The following LRRCC1 variants were observed in gnomAD, a reference collection of about 807,000 sequenced individuals.
LRRCC1 encodes leucine-rich repeat and coiled-coil domain-containing protein 1.
Under a neutral mutation model 126.0 loss-of-function variants are expected in LRRCC1, and 115 were observed. That is an observed-to-expected ratio of 0.91 (90% CI 0.78 to 1.07). The LOEUF (loss-of-function observed/expected upper bound fraction) is 1.07. LRRCC1 is among the 50% of genes least tolerant of loss of function. The probability of loss-of-function intolerance (pLI) is 0.00; values close to 1 mark genes in which losing one functional copy is unlikely to be tolerated. For synonymous variants in LRRCC1, 400 were observed against 393.4 expected, an observed-to-expected ratio of 1.02 and a Z score of -0.20; for missense variants, 1,172 against 1,175.7, an observed-to-expected ratio of 1.00 and a Z score of 0.05.
chr8:85,137,301 C>A (rs1219740821), intron 14 of LRRCC1, among the ~76,000 whole-genome samples, 163 bp from the exon 15 acceptor site: 2 of 152,064 alleles, frequency 1.3e-5, no homozygotes, highest in Non-Finnish European at 2.9e-5. Flanking sequence ...GTTTAAGAGG[C>A]CTTTTTGTTT....
chr8:85,112,273 C>T (rs1808788284), intron 3 of LRRCC1, among the ~76,000 whole-genome samples: 1 of 152,152 alleles, frequency 6.6e-6, no homozygotes, highest in Non-Finnish European at 1.5e-5. Context: ...AATGTGGCCA[C>T]TCAAAGACCT....
At chr8:85,144,497 G>T (rs1811526447) in intron 18 of LRRCC1, among the ~76,000 whole-genome samples, 1 of 131,892 alleles carries the variant, frequency 7.6e-6, no homozygotes, top group Non-Finnish European at 1.6e-5. Flanking sequence ...TTGAGATGGA[G>T]TTTCACTCTT....
In LRRCC1 at chr8:85,108,479, C is replaced by T. The variant is rs148044731; in HGVS notation, c.104+1080C>T. ...ATGAAGAATTAAGTTCGGATTCAAA[C>T]CCATTTTCCGTCTAATTTCACTATG... On this transcript the variant is annotated intron_variant, in intron 1 of 18. Transcript: ENST00000360375. Among the ~76,000 whole-genome samples, 39 of 152,286 alleles carry T rather than the reference C, an allele frequency of 2.6e-4. 1 individual carries two copies. Among genetic ancestry groups the T allele is most frequent in the African/African-American group, 7.9e-4 (33 of 41,544 alleles).
chr8:85,115,297 TC>T, intron 5 of LRRCC1, 22 bp downstream of exon 5: 1 of 1,567,936 alleles, frequency 6.4e-7, no homozygotes, highest in African/African-American at 1.4e-5. Context: ...ACTTTTTTTT[TC>T]CTAATATAAA....
chr8:85,139,123 A>G (rs1490068527), intron 17 of LRRCC1, among the ~76,000 whole-genome samples: 1 of 152,186 alleles, frequency 6.6e-6, no homozygotes, highest in African/African-American at 2.4e-5. Flanking sequence ...TGTTTGAATG[A>G]AAGCAGCTAG....
intron 4 of LRRCC1, among the ~76,000 whole-genome samples, chr8:85,114,607 C>T (rs1398942378): frequency 6.6e-6 from 1 of 151,970 alleles, no homozygotes; most frequent in Admixed American, 6.6e-5. Flanking sequence ...GATAGTTCAC[C>T]TGCTTTAATA....
intron 7 of LRRCC1, among the ~76,000 whole-genome samples, chr8:85,124,432 G>A (rs916241563): frequency 1.3e-5 from 2 of 151,916 alleles, no homozygotes; most frequent in East Asian, 1.9e-4. Flanking sequence ...ATTGTATGTC[G>A]ATTTTAAACT....
At chr8:85,109,303 T>C (rs999703735) in intron 1 of LRRCC1, 13 of 337,938 alleles carry the variant, frequency 3.8e-5, no homozygotes, top group African/African-American at 2.5e-4. Context: ...TATTGACTAC[T>C]ATTCAGCACT....
intron 6 of LRRCC1, among the ~76,000 whole-genome samples, chr8:85,119,855 C>T (rs1355608160): frequency 6.6e-6 from 1 of 152,154 alleles, no homozygotes; most frequent in East Asian, 1.9e-4. Context: ...CCTAATGTAA[C>T]CTTTTAAAGC....
chr8:85,130,135 ATT>A (rs11312968), intron 11 of LRRCC1, 77 bp downstream of exon 11: 67,940 of 619,352 alleles, frequency 0.11, 236 homozygotes, highest in Middle Eastern at 0.14. Flanking sequence ...CACTACCAGT[ATT>A]TTTTTTTTTT....
At position 85,115,510 on chromosome 8, in the gene LRRCC1, A is replaced by G; in HGVS notation, c.856A>G (p.Asn286Asp). The G allele has an allele frequency of 6.2e-7, 1 of 1,613,776 alleles. No homozygotes were observed. The change falls in exon 6 of 19, where the codon AAT becomes GAT. Residue 286 changes from asparagine (N) to aspartate (D), a missense_variant. Asn to Asp is a conservative substitution (Grantham distance 23, BLOSUM62 1). Transcript: ENST00000360375. ...TCAATCTTCTGAGCCAGAGAAAAAT[A>G]ATCATGAAAACGATTTGCAGAATGA... ...VCQSSEPEKN[N>D]HENDLQNEIK...
chr8:85,113,073 A>G lies in LRRCC1; in HGVS notation c.518A>G (p.Asp173Gly), dbSNP rs762649841. The change falls in exon 4 of 19, where the codon GAC (aspartate) becomes GGC (glycine). Residue 173 changes from aspartate to glycine, a missense_variant. By Grantham distance (94) the Asp-to-Gly change is moderately conservative (BLOSUM62 -1). Transcript: ENST00000360375. ...LTNLILEKDG[D>G]DNPVCRLPGY... ...AATCTTATTTTGGAGAAAGATGGAG[A>G]CGATAATCCTGTCTGTCGACTGCCA... is the stretch of plus-strand genomic sequence containing the variant. 1.2e-6 allele frequency: 2 copies of G among 1,610,776 alleles called. No individual in the cohort carries two copies. Among genetic ancestry groups the G allele is most frequent in the South Asian group, 2.2e-5 (2 of 90,066 alleles).
chr8:85,141,589 G>A, intron 18 of LRRCC1, 72 bp downstream of exon 18: 1 of 1,154,460 alleles, frequency 8.7e-7, no homozygotes, highest in Non-Finnish European at 1.2e-6. Context: ...AGATCTTCGA[G>A]AATTATAAAG....
At position 85,109,642 on chromosome 8, in the gene LRRCC1, A is replaced by G. The variant is rs1185929521; in HGVS notation, c.152A>G (p.His51Arg). ...LDSTLHAVNL[H>R]CNNISKIEAI... ...TCAACTCTTCATGCCGTCAATCTTCATTGCAATAACATCTCCAAGATCGAA... is the reference window on the plus strand; with the variant it reads ...TCAACTCTTCATGCCGTCAATCTTCGTTGCAATAACATCTCCAAGATCGAA... Residue 51 changes from histidine (H) to arginine (R), a missense_variant, in exon 2 of 19, where the codon CAT (histidine) becomes CGT (arginine). His to Arg is a conservative substitution (Grantham distance 29). Transcript: ENST00000360375. The G allele has an allele frequency of 6.2e-7, 1 of 1,611,726 alleles. No individual in the cohort carries two copies. Among genetic ancestry groups the G allele is most frequent in the Non-Finnish European group, 8.5e-7 (1 of 1,178,318 alleles).
At chr8:85,111,504 T>C (rs1458291781) in intron 3 of LRRCC1, among the ~76,000 whole-genome samples, 1 of 152,182 alleles carries the variant, frequency 6.6e-6, no homozygotes, top group Admixed American at 6.5e-5. Flanking sequence ...TAGTTAATTC[T>C]CTCAGTATGT....
chr8:85,126,911 G>A, intron 9 of LRRCC1, 74 bp downstream of exon 9: 4 of 1,267,504 alleles, frequency 3.2e-6, no homozygotes, highest in Non-Finnish European at 4.3e-6. Context: ...GAATACATTA[G>A]TTTCAGTGTG....
intron 6 of LRRCC1, among the ~76,000 whole-genome samples, chr8:85,121,012 C>T (rs927019209): frequency 6.6e-6 from 1 of 152,180 alleles, no homozygotes; most frequent in Admixed American, 6.5e-5. Context: ...GGAGCAACTG[C>T]CAGACTTTCC....
chr8:85,113,212 T>A, intron 4 of LRRCC1, 113 bp downstream of exon 4: 2 of 723,940 alleles, frequency 2.8e-6, no homozygotes, highest in Middle Eastern at 7.7e-4. Flanking sequence ...CAACATTTTC[T>A]ATATTGGGGA....
chr8:85,140,654 T>A (rs1350052010), intron 17 of LRRCC1, among the ~76,000 whole-genome samples: 1 of 152,148 alleles, frequency 6.6e-6, no homozygotes, highest in East Asian at 1.9e-4. Flanking sequence ...CATAAGGAAG[T>A]CAAAAATACA....
Sources: gnomAD v4.1 joint callset for allele counts (sites outside exome capture counted in the v4.1 genomes callset) on GRCh38, gnomAD v4.1.1 for gene constraint, MANE v1.5 for transcripts, NCBI Gene and HGNC (gene_info 2026-07-23, HGNC 2026-07-21) for gene names.